ERC1: variants seen among roughly 807,000 people sequenced by gnomAD.
ERC1 encodes RAB6 interacting protein 2.
In ERC1, 56 loss-of-function variants were observed where a neutral mutation model predicts 132.0. The observed-to-expected ratio is 0.42, with a 90% CI of 0.34 to 0.53. The LOEUF (loss-of-function observed/expected upper bound fraction) is 0.53, where lower values mean the gene tolerates loss of function less well. Ranked by LOEUF, ERC1 falls within the 20% of genes least tolerant of loss-of-function variation. The pLI, the probability that ERC1 is intolerant of heterozygous loss-of-function variation, is 0.03. For synonymous variants in ERC1, 478 were observed against 476.1 expected (o/e 1.00, Z -0.05); for missense variants, 1,202 against 1,349.9 (o/e 0.89, Z 1.72).
chr12:1,119,036 C>T (rs1163842412), intron 7 of ERC1, among the ~76,000 whole-genome samples: 106 of 152,096 alleles, frequency 7.0e-4, no homozygotes, highest in Non-Finnish European at 7.4e-5. Flanking sequence ...TGCCACCACA[C>T]CTGGCTAATT....
At chr12:1,415,304 A>G (rs12302362) in intron 17 of ERC1, among the ~76,000 whole-genome samples, 39,639 of 152,158 alleles carry the variant, frequency 0.26, 9,118 homozygotes, top group African/African-American at 0.62. Context: ...AAGGGGCTTA[A>G]AAGTTGGTCT....
At chr12:1,298,211 A>G (rs1243522438) in intron 15 of ERC1, among the ~76,000 whole-genome samples, 1 of 152,220 alleles carries the variant, frequency 6.6e-6, no homozygotes, top group Admixed American at 6.5e-5. Context: ...TTAGCTGTAG[A>G]GCAACTACCA....
intron 17 of ERC1, among the ~76,000 whole-genome samples, chr12:1,420,163 A>G (rs1164121646): frequency 6.6e-6 from 1 of 152,148 alleles, no homozygotes; most frequent in Non-Finnish European, 1.5e-5. Flanking sequence ...TTATTTTTAA[A>G]TGTGTTCACA....
rs146768637 is a variant in ERC1, at chr12:1,198,264, G to A, written c.2351+8212G>A. ...ACTCTTAAGTCTTTGGTCTTTCCAT[G>A]TTCGAAGCCAATATTAAATGATAGT... On this transcript the variant is annotated intron_variant, in intron 12 of 18. Transcript: ENST00000360905. 4.4e-3 allele frequency among the ~76,000 whole-genome samples: 670 copies of A among 152,240 alleles called. 11 individuals are homozygous for A. Among genetic ancestry groups the A allele is most frequent in the African/African-American group, 0.015 (642 of 41,538 alleles).
chr12:1,304,535 A>C (rs2080687228), intron 15 of ERC1, among the ~76,000 whole-genome samples: 1 of 152,174 alleles, frequency 6.6e-6, no homozygotes, highest in Non-Finnish European at 1.5e-5. Flanking sequence ...ATACATGAAA[A>C]ACAGTTGGAA....
At chr12:1,154,237 A>G (rs1032730440) in intron 8 of ERC1, among the ~76,000 whole-genome samples, 4 of 76,592 alleles carry the variant, frequency 5.2e-5, no homozygotes, top group African/African-American at 2.2e-4. Context: ...ATGTATATGT[A>G]TATGTATATG....
intron 12 of ERC1, among the ~76,000 whole-genome samples, chr12:1,198,846 A>G (rs1956588811): frequency 6.6e-6 from 1 of 152,226 alleles, no homozygotes; most frequent in Non-Finnish European, 1.5e-5. Flanking sequence ...CTCTGTCACA[A>G]GACAGCACTA....
intron 15 of ERC1, among the ~76,000 whole-genome samples, chr12:1,292,120 T>C (rs566322229): frequency 2.0e-5 from 3 of 152,226 alleles, no homozygotes; most frequent in Non-Finnish European, 4.4e-5. Flanking sequence ...CATTCGACAC[T>C]GCCCTGCATT....
At chr12:1,320,937 G>A (rs1034147245) in intron 15 of ERC1, among the ~76,000 whole-genome samples, 4 of 152,170 alleles carry the variant, frequency 2.6e-5, no homozygotes, top group Admixed American at 6.5e-5. Flanking sequence ...TCCTGACCTC[G>A]TGATCCGCCT....
chr12:1,111,498 A>G (rs921075963), intron 5 of ERC1, among the ~76,000 whole-genome samples: 9 of 152,142 alleles, frequency 5.9e-5, no homozygotes, highest in African/African-American at 1.9e-4. Context: ...TGGTGCCCAT[A>G]CCTGGCATAT....
intron 16 of ERC1, among the ~76,000 whole-genome samples, chr12:1,375,426 T>A (rs1591614869): frequency 6.6e-6 from 1 of 152,042 alleles, no homozygotes; most frequent in Admixed American, 6.5e-5. Context: ...CAATTCGAGG[T>A]GAGATTTGGG....
intron 12 of ERC1, among the ~76,000 whole-genome samples, chr12:1,227,680 C>G (rs1416797467): frequency 2.6e-5 from 4 of 152,128 alleles, no homozygotes; most frequent in African/African-American, 7.2e-5. Flanking sequence ...TCTATTCTTG[C>G]TTTTGTTGCC....
chr12:1,201,791 A>G (rs1445179183), intron 12 of ERC1, among the ~76,000 whole-genome samples: 3 of 152,252 alleles, frequency 2.0e-5, no homozygotes, highest in Non-Finnish European at 4.4e-5. Context: ...AAACTGCTAT[A>G]TAATTCATGA....
chr12:1,216,607 A>AGGAGGGATGGGGGGCGGCGG (rs1485383560), intron 12 of ERC1, among the ~76,000 whole-genome samples: 1 of 27,400 alleles, frequency 3.6e-5, no homozygotes, highest in Non-Finnish European at 8.1e-5. Context: ...GGGGTCGGGG[A>AGGAGGGATGGGGGGCGGCGG]GGAGGGATGG....
chr12:1,466,386 C>G (rs1215379053), intron 18 of ERC1, among the ~76,000 whole-genome samples: 1 of 152,180 alleles, frequency 6.6e-6, no homozygotes, highest in African/African-American at 2.4e-5. Flanking sequence ...ACTTAATCGC[C>G]TCTTTAAAGG....
At chr12:1,449,235 A>G (rs1196103406) in intron 18 of ERC1, among the ~76,000 whole-genome samples, 3 of 152,148 alleles carry the variant, frequency 2.0e-5, no homozygotes, top group Non-Finnish European at 2.9e-5. Flanking sequence ...CTCGCCTTAT[A>G]TGAGACTTTG....
chr12:1,270,071 A>T (rs563097274), intron 14 of ERC1, among the ~76,000 whole-genome samples: 33 of 152,320 alleles, frequency 2.2e-4, no homozygotes, highest in African/African-American at 6.3e-4. Flanking sequence ...GGGGTATGTA[A>T]TTCTGAAGGA....
intron 14 of ERC1, among the ~76,000 whole-genome samples, chr12:1,271,388 A>G (rs935110949): frequency 1.3e-5 from 2 of 152,190 alleles, no homozygotes; most frequent in Non-Finnish European, 2.9e-5. Context: ...TAGAAGAGAA[A>G]ACAAAGATGG....
At chr12:1,225,188 A>G (rs1405264512) in intron 12 of ERC1, among the ~76,000 whole-genome samples, 1 of 151,780 alleles carries the variant, frequency 6.6e-6, no homozygotes, top group Non-Finnish European at 1.5e-5. Flanking sequence ...AGCCAGGTGG[A>G]ATGCTCACAC....
Sources: allele counts gnomAD v4.1 joint callset (sites outside exome capture counted in the v4.1 genomes callset), GRCh38; gene constraint gnomAD v4.1.1; transcripts MANE v1.5; gene names NCBI Gene and HGNC (gene_info 2026-07-23, HGNC 2026-07-21).